SHANK1: variants seen among roughly 807,000 people sequenced by gnomAD.
The protein encoded by SHANK1 is SH3 and multiple ankyrin repeat domains protein 1.
A neutral mutation model predicts 165.6 loss-of-function variants in SHANK1; 35 were observed. That is an observed-to-expected ratio of 0.21 (90% CI 0.16 to 0.28). The LOEUF (loss-of-function observed/expected upper bound fraction) is 0.28. Ranked by LOEUF, SHANK1 falls within the 10% of genes least tolerant of loss-of-function variation. The pLI, the probability that SHANK1 is intolerant of heterozygous loss-of-function variation, is 1.00. For synonymous variants in SHANK1, 1,428 were observed against 1,384.8 expected (o/e 1.03, Z -0.69); for missense variants, 2,681 against 3,036.4 (o/e 0.88, Z 2.75).
At chr19:50,680,637 A>C (rs1986146226) in intron 21 of SHANK1, among the ~76,000 whole-genome samples, 1 of 149,908 alleles carries the variant, frequency 6.7e-6, no homozygotes. Flanking sequence ...CCAGTTTCCA[A>C]GTCCTTAGAT....
chr19:50,696,981 C>T, intron 15 of SHANK1, 115 bp downstream of exon 15: 1 of 852,136 alleles, frequency 1.2e-6, no homozygotes, highest in Non-Finnish European at 2.0e-6. Context: ...TACAGAGACA[C>T]ACGTTCACAC....
At chr19:50,674,994 G>A (rs999234928) in intron 21 of SHANK1, among the ~76,000 whole-genome samples, 16 of 151,276 alleles carry the variant, frequency 1.1e-4, no homozygotes, top group Admixed American at 8.6e-4. Flanking sequence ...CCCGGGAGGC[G>A]GAGGTTGCAG....
Position 50,667,166 on chromosome 19 carries a change from AG to A in SHANK1, c.4793del (p.Pro1598LeufsTer27). On this transcript the variant is annotated frameshift_variant, in exon 23 of 24. Transcript: ENST00000293441. LOFTEE classifies it high-confidence loss of function. This position sits in a 1 kb window ranked among gnomAD's most constrained non-coding sequence, Gnocchi z 5.7. ...PPHPLPDTPAPATPLPPVPPP... is the reference protein window; with the variant it reads ...PPHPLPDTPAXATPLPPVPPP... ...GTGGCACAGGGGGTAACGGGGTGGC[AG>A]GGGCAGGTGTGTCGGGCAGCGGGTG... The A allele has an allele frequency of 6.4e-7, 1 of 1,551,052 alleles. No homozygotes were observed.
chr19:50,672,057 G>A lies in SHANK1; in HGVS notation c.2635C>T (p.Pro879Ser). Reference sequence around the variant, plus strand: ...CGGAGCATCAACCCAGGTCCTGGAGGCAGGAAAGAAGGACGCTCGTAACTT... The same window carrying A: ...CGGAGCATCAACCCAGGTCCTGGAGACAGGAAAGAAGGACGCTCGTAACTT... Reference protein sequence around the residue: ...QPSYERPSFLPPGPGLMLRQK... With the variant: ...QPSYERPSFLSPGPGLMLRQK... Residue 879 changes from proline (P) to serine (S), a missense_variant, in exon 22 of 24, where the codon CCT (proline) becomes TCT (serine). Around this residue, in one of 10 missense-constraint regions of SHANK1, gnomAD observed 206 missense variants for 216.0 expected, o/e 0.95. Coordinates refer to ENST00000293441, the MANE Select transcript of SHANK1 (RefSeq NM_016148.5). The A allele has an allele frequency of 1.2e-6, 2 of 1,613,964 alleles. No individual in the cohort carries two copies. The highest frequency in any genetic ancestry group is 1.7e-6 in the Non-Finnish European group (2 of 1,179,932).
In SHANK1 at chr19:50,670,853, G is replaced by A. The variant is rs1985764948; in HGVS notation, c.2674+1165C>T. On this transcript the variant is annotated intron_variant, in intron 22 of 23. Transcript: ENST00000293441. This position sits in a 1 kb window ranked among gnomAD's most constrained non-coding sequence, Gnocchi z 4.1. ...CTGTCGCCCAGGCTGGAGTGCAATG[G>A]TGCGATCTTTGCTCACTGCAACCTC... Among the ~76,000 whole-genome samples, 1 of 151,916 alleles carries A rather than the reference G, an allele frequency of 6.6e-6. No individual in the cohort carries two copies. The highest frequency in any genetic ancestry group is 6.6e-5 in the Admixed American group (1 of 15,236).
In SHANK1 at chr19:50,686,179, A is replaced by G; in HGVS notation, c.2577+58T>C. On this transcript the variant is annotated intron_variant, in intron 21 of 23. Transcript: ENST00000293441. The surrounding 1 kb of genome is among the most constrained non-coding windows in gnomAD (Gnocchi z 5.7). ...AGGGTTTTGGAAAGAGAAAGGCTCC[A>G]GGTTGGTGTGTGAACCGCCTCCCCC... 3.0e-6 allele frequency: 3 copies of G among 997,004 alleles called. No homozygotes were observed. The South Asian group carries it at 4.7e-5, about 16-fold the overall frequency. 61.8% of individuals were successfully genotyped at this position (997,004 alleles called of 1,614,324 possible).
intron 21 of SHANK1, among the ~76,000 whole-genome samples, chr19:50,672,555 C>CAAAAAAAAAA (rs3987747): frequency 1.3e-3 from 46 of 35,456 alleles, no homozygotes; most frequent in African/African-American, 2.8e-3. Context: ...GACTCTGTCT[C>CAAAAAAAAAA]AAAAAAAAAA....
At chr19:50,687,021 C>T (rs745864433) in intron 19 of SHANK1, 8 of 1,486,288 alleles carry the variant, frequency 5.4e-6, no homozygotes, top group Non-Finnish European at 7.1e-6. Context: ...ACTCACCACT[C>T]TTCTTCTTCC....
At chr19:50,695,589 G>A (rs1456191274) in intron 15 of SHANK1, among the ~76,000 whole-genome samples, 1 of 151,956 alleles carries the variant, frequency 6.6e-6, no homozygotes, top group Admixed American at 6.5e-5. Flanking sequence ...GGGAGAGGGA[G>A]GCACAACATC....
chr19:50,712,207 T>C (rs1235744051), intron 6 of SHANK1, 93 bp from the exon 7 acceptor site: 1 of 1,335,578 alleles, frequency 7.5e-7, no homozygotes. Context: ...TGGACCGTCC[T>C]GGGTGACCTA....
At position 50,702,082 on chromosome 19, in the gene SHANK1, G is replaced by A. The variant is rs367726669; in HGVS notation, c.1747+385C>T. Among the ~76,000 whole-genome samples, 1 of 152,168 alleles carries A rather than the reference G, an allele frequency of 6.6e-6. No individual in the cohort carries two copies. The highest frequency in any genetic ancestry group is 1.9e-4 in the East Asian group (1 of 5,184). On this transcript the variant is annotated intron_variant, in intron 12 of 23. Transcript: ENST00000293441. The surrounding 1 kb of genome is among the most constrained non-coding windows in gnomAD (Gnocchi z 5.3). ...GCACCAGGTGGCAGGAAGGACTGTG[G>A]GCTTGGACTGAGGACCTTGGGCAAG...
rs75034783 is a variant in SHANK1 at position 50,705,725 on chromosome 19, C to G, written c.1078-1211G>C. Among the ~76,000 whole-genome samples the G allele has an allele frequency of 1.1e-4, 16 of 152,326 alleles. No individual in the cohort carries two copies. In the East Asian group the frequency reaches 3.1e-3, roughly 29 times the overall value. On this transcript the variant is annotated intron_variant, in intron 8 of 23. Transcript: ENST00000293441. ...AGCTCCCAGGTTGAGAACCACAGGT[C>G]TAGACCTTACGGAGGCTTACCATGT...
At chr19:50,663,005 G>A in intron 23 of SHANK1, 1 of 379,794 alleles carries the variant, frequency 2.6e-6, no homozygotes, top group Non-Finnish European at 4.8e-6. Context: ...ATTGTTCTAA[G>A]TGCTTTACAT....
chr19:50,709,523 C>G (rs1366066203), intron 8 of SHANK1, among the ~76,000 whole-genome samples: 1 of 151,738 alleles, frequency 6.6e-6, no homozygotes, highest in Admixed American at 6.6e-5. Flanking sequence ...GCAACTGTCC[C>G]ACTAAGAAAA....
chr19:50,689,328 GA>G, intron 15 of SHANK1, 49 bp from the exon 16 acceptor site: 1 of 1,329,286 alleles, frequency 7.5e-7, no homozygotes, highest in Non-Finnish European at 1.1e-6. Flanking sequence ...GAGTGGAGAA[GA>G]CATCATGAGA....
rs1394987364 is a variant in SHANK1 at position 50,662,292 on chromosome 19, G to T, written c.6159C>A (p.Val2053=). The T allele has an allele frequency of 6.2e-7, 1 of 1,611,664 alleles. No individual in the cohort carries two copies. Among genetic ancestry groups the T allele is most frequent in the African/African-American group, 1.3e-5 (1 of 75,020 alleles). The change falls in exon 24 of 24, where the codon GTC becomes GTA. Residue 2053 remains valine, a synonymous_variant. Coordinates refer to ENST00000293441, the MANE Select transcript of SHANK1 (RefSeq NM_016148.5). This position sits in a 1 kb window ranked among gnomAD's most constrained non-coding sequence, Gnocchi z 7.7. ...ATATCCCCGGGTGTGGCGGCACAAAGACTGGGGCGAAGGGGTCAGCCGAGC... is the reference window on the plus strand; with the variant it reads ...ATATCCCCGGGTGTGGCGGCACAAATACTGGGGCGAAGGGGTCAGCCGAGC... ...AGGSADPFAP[V]FVPPHPGISG...
intron 6 of SHANK1, 80 bp from the exon 7 acceptor site, chr19:50,712,194 G>A (rs1321675646): frequency 1.7e-5 from 24 of 1,441,652 alleles, no homozygotes; most frequent in Non-Finnish European, 2.2e-5. Flanking sequence ...GGGCCAGGGG[G>A]ACTGGACCGT....
chr19:50,707,886 CTTTTCTTTTCTTTTCTTTTCTTT>C (rs751773583), intron 8 of SHANK1, among the ~76,000 whole-genome samples: 700 of 17,630 alleles, frequency 0.04, 15 homozygotes, highest in Non-Finnish European at 0.045. Flanking sequence ...TTTTTCTTTT[CTTTTCTTTTCTTTTCTTTTCTTT>C]TCTTTTCTTT....
At chr19:50,705,433 T>C (rs1426389065) in intron 8 of SHANK1, among the ~76,000 whole-genome samples, 1 of 152,218 alleles carries the variant, frequency 6.6e-6, no homozygotes, top group Non-Finnish European at 1.5e-5. Flanking sequence ...TTAAAATAAA[T>C]GTCACCTAAT....
Sources: gnomAD v4.1 joint callset for allele counts (sites outside exome capture counted in the v4.1 genomes callset) on GRCh38, gnomAD v4.1.1 for gene constraint, gnomAD v4.1.1 regional missense constraint, Gnocchi (gnomAD v3.1) non-coding constraint, MANE v1.5 for transcripts, NCBI Gene and HGNC (gene_info 2026-07-23, HGNC 2026-07-21) for gene names.